EEA1: variants seen among roughly 807,000 people sequenced by gnomAD.
EEA1 encodes early endosome antigen 1, 162kD.
A neutral mutation model predicts 209.2 loss-of-function variants in EEA1; 111 were observed. The observed-to-expected ratio is 0.53, with a 90% CI of 0.45 to 0.62. The LOEUF (loss-of-function observed/expected upper bound fraction) is 0.62, where lower values mean the gene tolerates loss of function less well. Among genes scored for constraint, EEA1 ranks in the 20% least tolerant of loss-of-function variants. The pLI is 0.00. For synonymous variants in EEA1, 536 were observed against 540.6 expected (o/e 0.99, Z 0.12); for missense variants, 1,343 against 1,530.8 (o/e 0.88, Z 2.05).
chr12:92,779,990 C>G (rs1219212081), intron 24 of EEA1, among the ~76,000 whole-genome samples: 1 of 152,050 alleles, frequency 6.6e-6, no homozygotes, highest in Non-Finnish European at 1.5e-5. Flanking sequence ...TACCTGTGAG[C>G]ATAATTTTCT....
intron 1 of EEA1, among the ~76,000 whole-genome samples, chr12:92,916,106 C>T (rs893951017): frequency 6.6e-6 from 1 of 151,956 alleles, no homozygotes; most frequent in Admixed American, 6.6e-5. Context: ...TTTAAAAATA[C>T]CCACCATATG....
At chr12:92,857,052 G>A (rs897229810) in intron 5 of EEA1, among the ~76,000 whole-genome samples, 3 of 151,930 alleles carry the variant, frequency 2.0e-5, no homozygotes, top group Non-Finnish European at 2.9e-5. Flanking sequence ...GATTACAGGC[G>A]TGGGCCCATC....
chr12:92,827,510 T>C (rs1326568046), intron 12 of EEA1, among the ~76,000 whole-genome samples: 2 of 152,264 alleles, frequency 1.3e-5, no homozygotes, highest in African/African-American at 2.4e-5. Flanking sequence ...AATATATGCT[T>C]AATTTTTAAA....
At chr12:92,808,192 T>C (rs974494492) in intron 18 of EEA1, among the ~76,000 whole-genome samples, 3 of 152,136 alleles carry the variant, frequency 2.0e-5, no homozygotes, top group Non-Finnish European at 2.9e-5. Context: ...TATAGACACA[T>C]AGACTGTGGT....
chr12:92,785,813 C>T (rs1874106286), intron 22 of EEA1, among the ~76,000 whole-genome samples: 1 of 152,192 alleles, frequency 6.6e-6, no homozygotes, highest in Non-Finnish European at 1.5e-5. Context: ...GGTCCCTTAA[C>T]AGTTGTAAAA....
Position 92,779,184 on chromosome 12 carries a change from T to A in EEA1, c.3585A>T (p.Ile1195=), listed in dbSNP as rs371858299. ...AVEQEKRNQQ[I]LKDQVKKEEE... ...CTTCCTTTTTCACCTGGTCTTTTAG[T>A]ATCTGCTGATTTCTCTTCTCCTGTT... The change falls in exon 25 of 29, where the codon ATA becomes ATT. Residue 1195 remains isoleucine, a synonymous_variant. Coordinates refer to ENST00000322349, the MANE Select transcript of EEA1 (RefSeq NM_003566.4). The A allele has an allele frequency of 3.7e-6, 6 of 1,611,738 alleles. No individual in the cohort carries two copies. The highest frequency in any genetic ancestry group is 5.1e-6 in the Non-Finnish European group (6 of 1,179,420).
At position 92,809,178 on chromosome 12, in the gene EEA1, G is replaced by T. The variant is rs144173154; in HGVS notation, c.2200-22C>A. The T allele has an allele frequency of 5.5e-5, 84 of 1,519,740 alleles. 1 individual carries two copies. The Middle Eastern group carries it at 1.1e-3, about 19-fold the overall frequency. 94.1% of individuals were successfully genotyped at this position (1,519,740 alleles called of 1,614,324 possible). On this transcript the variant is annotated intron_variant, in intron 17 of 28. Coordinates refer to ENST00000322349, the MANE Select transcript of EEA1 (RefSeq NM_003566.4). ...GTTTCTATGAAAGAAATATGATATG[G>T]CAGCCATTTTAATATTAGTAATTAT...
intron 1 of EEA1, among the ~76,000 whole-genome samples, chr12:92,927,848 A>T (rs959069637): frequency 2.0e-5 from 3 of 152,234 alleles, no homozygotes. Context: ...AAATACAATT[A>T]AATGTCAACA....
intron 24 of EEA1, among the ~76,000 whole-genome samples, chr12:92,779,671 G>A (rs931651579): frequency 1.3e-5 from 2 of 151,792 alleles, no homozygotes; most frequent in African/African-American, 4.8e-5. Flanking sequence ...CTGATTTAAG[G>A]AAGTCACATT....
intron 5 of EEA1, among the ~76,000 whole-genome samples, chr12:92,854,730 G>A (rs1877792872): frequency 6.6e-6 from 1 of 152,144 alleles, no homozygotes; most frequent in Non-Finnish European, 1.5e-5. Context: ...AGCAGCAGGA[G>A]ATCCCCATTG....
At chr12:92,885,849 G>A (rs1879357858) in intron 2 of EEA1, among the ~76,000 whole-genome samples, 1 of 152,158 alleles carries the variant, frequency 6.6e-6, no homozygotes, top group South Asian at 2.1e-4. Context: ...AGTGTCGGCT[G>A]TAATAACATA....
intron 14 of EEA1, among the ~76,000 whole-genome samples, chr12:92,819,089 T>C (rs974296543): frequency 6.6e-6 from 1 of 152,196 alleles, no homozygotes; most frequent in Non-Finnish European, 1.5e-5. Context: ...TCCAGGGACA[T>C]GAACTGAGAA....
In EEA1 at chr12:92,801,593, AT is replaced by A; in HGVS notation, c.2772+6del. On this transcript the variant is annotated splice_donor_region_variant and intron_variant, in intron 20 of 28. Transcript: ENST00000322349. ...ACAGATTTTATGTTACAAAAAAAAA[AT>A]CTTACCTCCTTCTCTTTTTCAAGTG... 2.6e-6 allele frequency: 4 copies of A among 1,564,146 alleles called. No homozygotes were observed. The highest frequency in any genetic ancestry group is 2.6e-6 in the Non-Finnish European group (3 of 1,158,184).
chr12:92,802,860 A>T, intron 18 of EEA1, 126 bp from the exon 19 acceptor site: 1 of 691,998 alleles, frequency 1.4e-6, no homozygotes, highest in African/African-American at 1.9e-5. Context: ...AAGTAAAAAT[A>T]ATTTAATTTC....
At chr12:92,870,148 T>G (rs1434291002) in intron 2 of EEA1, among the ~76,000 whole-genome samples, 3 of 152,076 alleles carry the variant, frequency 2.0e-5, no homozygotes, top group Admixed American at 2.0e-4. Context: ...ACCTATTATC[T>G]CCCTCACCTG....
At chr12:92,851,026 A>G (rs1782052456) in intron 9 of EEA1, 85 bp downstream of exon 9, 1 of 1,350,852 alleles carries the variant, frequency 7.4e-7, no homozygotes, top group African/African-American at 1.5e-5. Flanking sequence ...GGCCACTCAG[A>G]AAAATCTCAA....
At chr12:92,927,338 T>C (rs1367327777) in intron 1 of EEA1, among the ~76,000 whole-genome samples, 2 of 152,220 alleles carry the variant, frequency 1.3e-5, no homozygotes, top group Non-Finnish European at 2.9e-5. Context: ...AGAAACTCAG[T>C]TGTCAACTGA....
chr12:92,782,150 T>A lies in EEA1; in HGVS notation c.3151-15A>T. 1 of 1,581,474 alleles carries A rather than the reference T, an allele frequency of 6.3e-7. No homozygotes were observed. Among genetic ancestry groups the A allele is most frequent in the Non-Finnish European group, 8.6e-7 (1 of 1,162,870 alleles). ...TCTTCTACAGACTTACAAAAACAAT[T>A]TTCCCAAATTATTATATGCCATGTT... On this transcript the variant is annotated splice_polypyrimidine_tract_variant and intron_variant, in intron 22 of 28. Transcript: ENST00000322349.
At chr12:92,863,671 T>C (rs1878245898) in intron 3 of EEA1, among the ~76,000 whole-genome samples, 1 of 152,230 alleles carries the variant, frequency 6.6e-6, no homozygotes, top group Admixed American at 6.5e-5. Flanking sequence ...GTTCTTTGGG[T>C]AGATTGTCAG....
Sources: gnomAD v4.1 joint callset for allele counts (sites outside exome capture counted in the v4.1 genomes callset) on GRCh38, gnomAD v4.1.1 for gene constraint, MANE v1.5 for transcripts, NCBI Gene and HGNC (gene_info 2026-07-23, HGNC 2026-07-21) for gene names.